The following OGDH variants were observed in gnomAD, a reference collection of about 807,000 sequenced individuals.
The protein encoded by OGDH is oxoglutarate dehydrogenase, also known as 2-oxoglutarate dehydrogenase complex component E1.
Under a neutral mutation model 116.6 loss-of-function variants are expected in OGDH, and 38 were observed. The observed-to-expected ratio is 0.33, with a 90% CI of 0.25 to 0.43. OGDH has a LOEUF of 0.43. Ranked by LOEUF, OGDH falls within the 20% of genes least tolerant of loss-of-function variation. The probability of loss-of-function intolerance (pLI) is 1.00; values close to 1 mark genes in which losing one functional copy is unlikely to be tolerated. For missense variants in OGDH, 825 were observed against 1,357.2 expected (o/e 0.61, Z 6.16); for synonymous variants, 488 against 533.3 (o/e 0.92, Z 1.17).
At chr7:44,693,703 TG>T in intron 10 of OGDH, 121 bp from the exon 11 acceptor site, 1 of 667,420 alleles carries the variant, frequency 1.5e-6, no homozygotes, top group Non-Finnish European at 2.3e-6. Context: ...ACAGCCATTT[TG>T]GGGTACGTAC....
rs901266897 is a variant in OGDH at position 44,662,637 on chromosome 7, A to G, written c.518-4099A>G. Among the ~76,000 whole-genome samples, 8 of 151,524 alleles carry G rather than the reference A, an allele frequency of 5.3e-5. No homozygotes were observed. The East Asian group carries it at 1.6e-3, about 29-fold the overall frequency. ...ACCACCACGCCTGGCTAATTTTTGT[A>G]TTTTTAGTAGAGATGGGGTTTCACC... is the stretch of plus-strand genomic sequence containing the variant. On this transcript the variant is annotated intron_variant, in intron 4 of 22. Coordinates refer to ENST00000222673, the MANE Select transcript of OGDH (RefSeq NM_002541.4).
chr7:44,643,389 A>C (rs1786035820), intron 2 of OGDH, among the ~76,000 whole-genome samples: 1 of 152,224 alleles, frequency 6.6e-6, no homozygotes. Context: ...GAATGTTTTA[A>C]ATATTCTACA....
Position 44,673,851 on chromosome 7 carries a change from G to A in OGDH, c.698G>A (p.Trp233Ter). 4 of 1,614,170 alleles carry A rather than the reference G, an allele frequency of 2.5e-6. No homozygotes were observed. Among genetic ancestry groups the A allele is most frequent in the Non-Finnish European group, 3.4e-6 (4 of 1,179,964 alleles). ...MFINDLEQCQ[W>*]IRQKFETPGI... ...ATCAATGACCTGGAGCAGTGCCAGT[G>A]GATCCGGCAGAAGTTTGAGACCCCT... is the stretch of plus-strand genomic sequence containing the variant. Residue 233 changes from tryptophan (W) to a stop codon, truncating the protein, a stop_gained, in exon 6 of 23, where the codon TGG (tryptophan) becomes TAG (stop). Transcript: ENST00000222673. LOFTEE classifies it high-confidence loss of function.
chr7:44,657,005 A>C lies in OGDH; in HGVS notation c.517+9246A>C, dbSNP rs115470879. ...TCTCTAAGCAGTTATCTTTTTTATC[A>C]TCCTTCTAATATCTGTGAAACTCTA... is the stretch of plus-strand genomic sequence containing the variant. On this transcript the variant is annotated intron_variant, in intron 4 of 22. Transcript: ENST00000222673. 5.7e-3 allele frequency among the ~76,000 whole-genome samples: 873 copies of C among 152,122 alleles called. 9 individuals carry two copies. Among genetic ancestry groups the C allele is most frequent in the African/African-American group, 0.019 (796 of 41,492 alleles).
chr7:44,648,033 CAGGT>C (rs1355217712), intron 4 of OGDH, among the ~76,000 whole-genome samples: 1 of 152,174 alleles, frequency 6.6e-6, no homozygotes, highest in East Asian at 1.9e-4. Flanking sequence ...CCACCTGGGG[CAGGT>C]GGATCAGAAG....
At chr7:44,641,136 C>T (rs1176903133) in intron 2 of OGDH, among the ~76,000 whole-genome samples, 2 of 149,992 alleles carry the variant, frequency 1.3e-5, no homozygotes, top group African/African-American at 2.4e-5. Flanking sequence ...CTCCTAACCT[C>T]GTGATCCGCC....
Position 44,632,401 on chromosome 7 carries a change from C to T in OGDH, c.222+7836C>T, listed in dbSNP as rs182928570. On this transcript the variant is annotated intron_variant, in intron 2 of 22. Transcript: ENST00000222673. ...TCTGGGCTCAAGTAATCCACTCCCC[C>T]GCCACTCCCCCACGCCTCAGCTTCC... 1.9e-3 allele frequency among the ~76,000 whole-genome samples: 288 copies of T among 152,284 alleles called. 13 individuals are homozygous for T. In the South Asian group the frequency reaches 0.056, roughly 30 times the overall value.
chr7:44,629,858 G>A (rs1785361644), intron 2 of OGDH, among the ~76,000 whole-genome samples: 1 of 152,186 alleles, frequency 6.6e-6, no homozygotes, highest in East Asian at 1.9e-4. Context: ...GGGATTATGG[G>A]CGTGAGCCAT....
At chr7:44,687,507 C>T (rs544225766) in intron 10 of OGDH, among the ~76,000 whole-genome samples, 11 of 152,236 alleles carry the variant, frequency 7.2e-5, no homozygotes, top group East Asian at 3.9e-4. Flanking sequence ...CCTCCACCTC[C>T]GAGGCTCAAG....
chr7:44,678,240 G>A (rs1787783583), intron 9 of OGDH, among the ~76,000 whole-genome samples: 1 of 152,152 alleles, frequency 6.6e-6, no homozygotes, highest in Non-Finnish European at 1.5e-5. Flanking sequence ...TCGGCATGGG[G>A]AGATCAGCAT....
chr7:44,653,508 A>T lies in OGDH; in HGVS notation c.517+5749A>T, dbSNP rs73329007. On this transcript the variant is annotated intron_variant, in intron 4 of 22. Transcript: ENST00000222673. The stretch of plus-strand genomic sequence containing the variant: ...TTTCACAGTGACAAAAATGATTGAG[A>T]TGTACTTTACTGGGTTTTTTGTTGT... 4.2e-3 allele frequency among the ~76,000 whole-genome samples: 643 copies of T among 152,158 alleles called. 2 individuals carry two copies. Among genetic ancestry groups the T allele is most frequent in the African/African-American group, 0.015 (607 of 41,498 alleles).
intron 2 of OGDH, among the ~76,000 whole-genome samples, chr7:44,633,400 CAG>C (rs1785531199): frequency 1.3e-5 from 2 of 152,092 alleles, no homozygotes; most frequent in African/African-American, 4.8e-5. Flanking sequence ...CTTTGTAAGT[CAG>C]AGGCAGGCTC....
At chr7:44,655,461 G>A (rs994237296) in intron 4 of OGDH, among the ~76,000 whole-genome samples, 21 of 152,134 alleles carry the variant, frequency 1.4e-4, no homozygotes, top group Non-Finnish European at 2.5e-4. Context: ...GTCTGAGTCT[G>A]ACTTCAAAGG....
chr7:44,677,013 T>C (rs1360069466), intron 9 of OGDH, among the ~76,000 whole-genome samples: 3 of 152,094 alleles, frequency 2.0e-5, no homozygotes, highest in Non-Finnish European at 1.5e-5. Context: ...TGACTGAGTG[T>C]TGGGGGTTGA....
intron 10 of OGDH, among the ~76,000 whole-genome samples, chr7:44,691,257 G>A (rs571267114): frequency 7.2e-5 from 11 of 152,254 alleles, no homozygotes; most frequent in African/African-American, 2.6e-4. Context: ...CAGATGCAAT[G>A]GCTCAAACCT....
At position 44,666,005 on chromosome 7, in the gene OGDH, G is replaced by A. The variant is rs75732346; in HGVS notation, c.518-731G>A. Among the ~76,000 whole-genome samples, 878 of 152,314 alleles carry A rather than the reference G, an allele frequency of 5.8e-3. 10 individuals are homozygous for A. Among genetic ancestry groups the A allele is most frequent in the African/African-American group, 0.019 (800 of 41,570 alleles). ...TGCAGCGAATATTAGTGCTTACTCA[G>A]TTGGTTCCCGCTGAGTGATTGGAGT... On this transcript the variant is annotated intron_variant, in intron 4 of 22. Transcript: ENST00000222673.
intron 12 of OGDH, 39 bp from the exon 13 acceptor site, chr7:44,695,986 C>A (rs1186921963): frequency 3.5e-6 from 4 of 1,135,472 alleles, no homozygotes; most frequent in East Asian, 4.7e-5. Context: ...AGTAGTCATG[C>A]CCTGTGCCAG....
intron 1 of OGDH, among the ~76,000 whole-genome samples, chr7:44,614,320 G>GT (rs1489777370): frequency 1.0e-3 from 125 of 124,436 alleles, no homozygotes; most frequent in Non-Finnish European, 1.7e-3. Flanking sequence ...TTGTTTGTTT[G>GT]TTTTTTGTAT....
chr7:44,640,126 C>T (rs1785862752), intron 2 of OGDH, among the ~76,000 whole-genome samples: 1 of 152,176 alleles, frequency 6.6e-6, no homozygotes, highest in African/African-American at 2.4e-5. Context: ...ACCTTGTGAT[C>T]CCAGGCATCA....
Sources: gnomAD v4.1 joint callset for allele counts (sites outside exome capture counted in the v4.1 genomes callset) on GRCh38, gnomAD v4.1.1 for gene constraint, MANE v1.5 for transcripts, NCBI Gene and HGNC (gene_info 2026-07-23, HGNC 2026-07-21) for gene names.